The following MYO7B variants were observed in gnomAD, a reference collection of about 807,000 sequenced individuals.
The protein encoded by MYO7B is unconventional myosin-VIIb.
In MYO7B, 212 loss-of-function variants were observed where a neutral mutation model predicts 259.7. The ratio of observed to expected loss-of-function variants is 0.82; its 90% CI spans 0.73 to 0.91. MYO7B has a LOEUF of 0.91. MYO7B is among the 40% of genes least tolerant of loss of function. The pLI, the probability that MYO7B is intolerant of heterozygous loss-of-function variation, is 0.00. For missense variants in MYO7B, 2,732 were observed against 2,813.5 expected (o/e 0.97, Z 0.66); for synonymous variants, 1,197 against 1,166.4 (o/e 1.03, Z -0.54).
intron 1 of MYO7B, among the ~76,000 whole-genome samples, chr2:127,541,811 G>A (rs1693014932): frequency 6.6e-6 from 1 of 152,210 alleles, no homozygotes. Flanking sequence ...CTTCTCCAGG[G>A]CACCCTGCCT....
intron 28 of MYO7B, 70 bp from the exon 29 acceptor site, chr2:127,623,132 G>A (rs1680919313): frequency 6.4e-7 from 1 of 1,562,374 alleles, no homozygotes. Context: ...GAGGGAGGTA[G>A]TGGATGGGGG....
In MYO7B at chr2:127,590,277, C is replaced by T. The variant is rs758843770; in HGVS notation, c.1992+48C>T. ...CAGCAAAGGAGGGAGGAGGAGGAGG[C>T]TGATGGCCTCTAGGGTTGTGGTCAC... On this transcript the variant is annotated intron_variant, in intron 16 of 47. Transcript: ENST00000409816. This position sits in a 1 kb window ranked among gnomAD's most constrained non-coding sequence, Gnocchi z 4.6. 6.2e-7 allele frequency: 1 copy of T among 1,610,878 alleles called. No individual in the cohort carries two copies. Among genetic ancestry groups the T allele is most frequent in the South Asian group, 1.1e-5 (1 of 90,836 alleles).
intron 1 of MYO7B, among the ~76,000 whole-genome samples, chr2:127,550,273 G>T (rs1182201040): frequency 5.3e-5 from 8 of 152,108 alleles, no homozygotes; most frequent in African/African-American, 1.7e-4. Flanking sequence ...AGAGGTCAAG[G>T]TGAGTGAAAG....
chr2:127,543,089 T>G (rs964156538), intron 1 of MYO7B, among the ~76,000 whole-genome samples: 1 of 152,190 alleles, frequency 6.6e-6, no homozygotes, highest in African/African-American at 2.4e-5. Context: ...AAAGAGGCGT[T>G]CCTCTTTTAC....
chr2:127,545,386 G>A (rs556920467), intron 1 of MYO7B, among the ~76,000 whole-genome samples: 10 of 152,324 alleles, frequency 6.6e-5, no homozygotes, highest in African/African-American at 2.4e-4. Flanking sequence ...TGCTGCCCAG[G>A]GGCCCCCTCC....
chr2:127,630,181 C>T (rs111530942), intron 35 of MYO7B, among the ~76,000 whole-genome samples: 142 of 152,306 alleles, frequency 9.3e-4, no homozygotes, highest in Non-Finnish European at 1.4e-3. Context: ...CCAGCCTCTC[C>T]GGAGGCAGGA....
chr2:127,607,442 C>T lies in MYO7B; in HGVS notation c.2643+18C>T. 3 of 1,549,230 alleles carry T rather than the reference C, an allele frequency of 1.9e-6. No individual in the cohort carries two copies. Among genetic ancestry groups the T allele is most frequent in the Middle Eastern group, 3.5e-4 (2 of 5,732 alleles). On this transcript the variant is annotated intron_variant, in intron 21 of 47. Coordinates refer to ENST00000409816, the MANE Select transcript of MYO7B (RefSeq NM_001393586.1). The surrounding 1 kb of genome is among the most constrained non-coding windows in gnomAD (Gnocchi z 4.4). The stretch of plus-strand genomic sequence containing the variant: ...AGGCCAATGTAGGTGGTCACCTGGC[C>T]TCTTGGGCAGGTGGGGCTGGCTGGG...
At chr2:127,589,734 G>A (rs1459828933) in intron 15 of MYO7B, among the ~76,000 whole-genome samples, 1 of 127,680 alleles carries the variant, frequency 7.8e-6, no homozygotes, top group East Asian at 2.6e-4. Context: ...GGCTATGTGG[G>A]TTGGTGAGTG....
At chr2:127,634,892 C>T (rs1681715488) in intron 42 of MYO7B, 1 of 646,922 alleles carries the variant, frequency 1.5e-6, no homozygotes, top group African/African-American at 1.8e-5. Context: ...AAGGATGCCC[C>T]AGGGCTGAGG....
chr2:127,543,167 C>T (rs754365171), intron 1 of MYO7B, among the ~76,000 whole-genome samples: 2 of 152,152 alleles, frequency 1.3e-5, no homozygotes, highest in Non-Finnish European at 2.9e-5. Flanking sequence ...TCCCTTCCCA[C>T]GAGGCCATAT....
At chr2:127,618,222 G>A (rs1558839175) in intron 26 of MYO7B, among the ~76,000 whole-genome samples, 2 of 152,134 alleles carry the variant, frequency 1.3e-5, no homozygotes, top group South Asian at 2.1e-4. Context: ...AGTTACTACT[G>A]TCACTACTTG....
At chr2:127,637,194 C>G (rs749003632) in intron 47 of MYO7B, 122 bp from the exon 48 acceptor site, 156 of 912,618 alleles carry the variant, frequency 1.7e-4, no homozygotes, top group Non-Finnish European at 2.4e-4. Flanking sequence ...GGCAGGAGCC[C>G]GCCTTCCCTT....
intron 1 of MYO7B, among the ~76,000 whole-genome samples, chr2:127,552,995 A>G (rs1430692868): frequency 1.3e-5 from 2 of 151,720 alleles, no homozygotes; most frequent in African/African-American, 4.9e-5. Context: ...ATTTCTCAGC[A>G]TTTCTCAGTT....
At chr2:127,578,320 G>T in intron 9 of MYO7B, 34 bp downstream of exon 9, 3 of 1,612,082 alleles carry the variant, frequency 1.9e-6, no homozygotes, top group Non-Finnish European at 2.5e-6. Context: ...GCACCCTTGG[G>T]GAGGGAGAGG....
Position 127,632,308 on chromosome 2 carries a change from AG to A in MYO7B, c.5316del (p.Leu1773CysfsTer9). 1.2e-6 allele frequency: 2 copies of A among 1,611,130 alleles called. No individual in the cohort carries two copies. The highest frequency in any genetic ancestry group is 1.1e-5 in the South Asian group (1 of 90,904). On this transcript the variant is annotated frameshift_variant, in exon 39 of 48. Coordinates refer to ENST00000409816, the MANE Select transcript of MYO7B (RefSeq NM_001393586.1). LOFTEE classifies it high-confidence loss of function. The stretch of plus-strand genomic sequence containing the variant: ...TGCACGGGCCTCTTCCCGCCCAGCA[AG>A]GGGCTGCTGCCCCATGCCCAGAAGT... Reference protein sequence around the residue: ...WLCTGLFPPSKGLLPHAQKFI... With the variant: ...WLCTGLFPPSXGLLPHAQKFI...
chr2:127,635,247 G>A (rs1327242384), intron 43 of MYO7B, 21 bp downstream of exon 43: 1 of 1,597,568 alleles, frequency 6.3e-7, no homozygotes, highest in African/African-American at 1.3e-5. Flanking sequence ...GGCTGCCCTG[G>A]TGGGCACTGG....
At chr2:127,632,762 C>T (rs1258886309) in intron 39 of MYO7B, among the ~76,000 whole-genome samples, 1 of 151,768 alleles carries the variant, frequency 6.6e-6, no homozygotes, top group Non-Finnish European at 1.5e-5. Context: ...CATCCGCCCA[C>T]AGCCGTGAAG....
rs1692921769 is a variant in MYO7B at position 127,539,524 on chromosome 2, G to A, written c.-24+3693G>A. On this transcript the variant is annotated intron_variant, in intron 1 of 47. Coordinates refer to ENST00000409816, the MANE Select transcript of MYO7B (RefSeq NM_001393586.1). The surrounding 1 kb of genome is among the most constrained non-coding windows in gnomAD (Gnocchi z 4.0). ...TGGCTATAACAGGAAATTCAGGAGAGTTTTTAAAGAGCTATTTGTAGAAAA... is the reference window on the plus strand; with the variant it reads ...TGGCTATAACAGGAAATTCAGGAGAATTTTTAAAGAGCTATTTGTAGAAAA... 6.6e-6 allele frequency among the ~76,000 whole-genome samples: 1 copy of A among 152,198 alleles called. No individual in the cohort carries two copies. Among genetic ancestry groups the A allele is most frequent in the South Asian group, 2.1e-4 (1 of 4,830 alleles).
rs899121635 is a variant in MYO7B at position 127,590,020 on chromosome 2, C to T, written c.1855-72C>T. On this transcript the variant is annotated intron_variant, in intron 15 of 47. Transcript: ENST00000409816. The surrounding 1 kb of genome is among the most constrained non-coding windows in gnomAD (Gnocchi z 4.6). Reference sequence around the variant, plus strand: ...TGTGGGGCCTTGGCCGCAACCCTTGCTGGCCTACAGGGTCAGCTGTCCCAG... The same window carrying T: ...TGTGGGGCCTTGGCCGCAACCCTTGTTGGCCTACAGGGTCAGCTGTCCCAG... 3 of 1,512,084 alleles carry T rather than the reference C, an allele frequency of 2.0e-6. No individual in the cohort carries two copies. The East Asian group carries it at 7.4e-5, about 37-fold the overall frequency. 93.7% of individuals were successfully genotyped at this position (1,512,084 alleles called of 1,614,324 possible). A position where few individuals can be genotyped will look rare whatever the true frequency, so the allele number is the denominator to read the frequency against.
Sources: allele counts gnomAD v4.1 joint callset (sites outside exome capture counted in the v4.1 genomes callset), GRCh38; gene constraint gnomAD v4.1.1; non-coding constraint Gnocchi (gnomAD v3.1); transcripts MANE v1.5; gene names NCBI Gene and HGNC (gene_info 2026-07-23, HGNC 2026-07-21).